The following KLF12 variants were observed in gnomAD, a reference collection of about 807,000 sequenced individuals.
The protein encoded by KLF12 is KLF transcription factor 12.
In KLF12, 9 loss-of-function variants were observed where a neutral mutation model predicts 37.8. The ratio of observed to expected loss-of-function variants is 0.24; its 90% CI spans 0.14 to 0.42. The LOEUF is 0.42. Ranked by LOEUF, KLF12 falls within the 10% of genes least tolerant of loss-of-function variation. KLF12 has a pLI of 1.00. For missense variants in KLF12, 411 were observed against 516.0 expected (o/e 0.80, Z 1.97); for synonymous variants, 208 against 202.1 (o/e 1.03, Z -0.25).
chr13:74,133,216 C>T (rs1331264247), intron 1 of KLF12, among the ~76,000 whole-genome samples: 1 of 152,124 alleles, frequency 6.6e-6, no homozygotes, highest in African/African-American at 2.4e-5. Context: ...TAACCCCTTC[C>T]CCTCCACTCT....
intron 3 of KLF12, among the ~76,000 whole-genome samples, chr13:73,910,963 G>A (rs776083951): frequency 1.3e-5 from 2 of 152,088 alleles, no homozygotes; most frequent in African/African-American, 2.4e-5. Context: ...TGGGAACTCT[G>A]CAGAAAGTCC....
chr13:73,933,736 G>T (rs1355897043), intron 3 of KLF12, among the ~76,000 whole-genome samples: 1 of 152,122 alleles, frequency 6.6e-6, no homozygotes, highest in African/African-American at 2.4e-5. Flanking sequence ...AAAGCAATCT[G>T]CTCAAGTCTC....
At chr13:73,933,902 A>G (rs1393638049) in intron 3 of KLF12, among the ~76,000 whole-genome samples, 1 of 152,316 alleles carries the variant, frequency 6.6e-6, no homozygotes, top group East Asian at 1.9e-4. Flanking sequence ...TGTACAACTC[A>G]GTAGTGTTAA....
rs1786359334 is a variant in KLF12 at position 73,813,251 on chromosome 13, C to A, written c.707G>T (p.Ser236Ile). The A allele has an allele frequency of 6.2e-7, 1 of 1,613,846 alleles. No homozygotes were observed. The highest frequency in any genetic ancestry group is 1.7e-5 in the Admixed American group (1 of 59,964). Residue 236 changes from serine (S) to isoleucine (I), a missense_variant, in exon 5 of 8, where the codon AGT becomes ATT. Transcript: ENST00000377669. Reference sequence around the variant, plus strand: ...GTCATCATCATCACTGTCACTTTTACTTTGTCTGGGAGATAGGCCTCGGGG... The same window carrying A: ...GTCATCATCATCACTGTCACTTTTAATTTGTCTGGGAGATAGGCCTCGGGG...
chr13:74,246,680 C>T, the KLF12 span, among the ~76,000 whole-genome samples: 1 of 152,208 alleles, frequency 6.6e-6, no homozygotes, highest in Non-Finnish European at 1.5e-5. Flanking sequence ...GCAAAGATCA[C>T]CTCAGTGGCG....
the KLF12 span, among the ~76,000 whole-genome samples, chr13:74,204,307 A>C: frequency 6.6e-6 from 1 of 152,168 alleles, no homozygotes; most frequent in African/African-American, 2.4e-5. Context: ...TCAAATTTGT[A>C]TAAATGTAAG....
upstream of KLF12, among the ~76,000 whole-genome samples, chr13:74,138,578 C>T (rs1048239722): frequency 2.0e-5 from 3 of 152,152 alleles, no homozygotes; most frequent in Non-Finnish European, 4.4e-5. Context: ...AATGCCATTT[C>T]GTAACTTTGT....
the KLF12 span, among the ~76,000 whole-genome samples, chr13:74,291,490 A>G: frequency 6.6e-6 from 1 of 152,220 alleles, no homozygotes; most frequent in African/African-American, 2.4e-5. Flanking sequence ...ATCCTCAGAG[A>G]TATAGACAAC....
intron 3 of KLF12, among the ~76,000 whole-genome samples, chr13:73,899,705 C>T (rs1035613189): frequency 3.3e-5 from 5 of 152,154 alleles, no homozygotes; most frequent in African/African-American, 7.2e-5. Context: ...GGTAAATTTG[C>T]TCTGTCTTCT....
At chr13:74,069,522 T>G (rs1369429322) in intron 1 of KLF12, among the ~76,000 whole-genome samples, 3 of 151,904 alleles carry the variant, frequency 2.0e-5, no homozygotes, top group African/African-American at 7.3e-5. Context: ...TCCCAAATAG[T>G]GGAGAGGTTG....
intron 7 of KLF12, among the ~76,000 whole-genome samples, chr13:73,702,353 A>G (rs1264306973): frequency 6.6e-6 from 1 of 152,184 alleles, no homozygotes; most frequent in African/African-American, 2.4e-5. Context: ...AACACCAGGT[A>G]TTGAATGGAT....
chr13:73,846,437 C>A, intron 3 of KLF12, 64 bp from the exon 4 acceptor site: 1 of 1,381,448 alleles, frequency 7.2e-7, no homozygotes, highest in Non-Finnish European at 9.9e-7. Context: ...CGATGCATGG[C>A]TTACCACTTG....
rs1874065797 is a variant in KLF12 at position 73,695,343 on chromosome 13, G to A, written c.*147C>T. ...GGGGGTTACCTTCAGACCAAAAGAA[G>A]TGTGCCTTCTTTTTCCTGCTCTGGT... On this transcript the variant is annotated 3_prime_UTR_variant, in exon 8 of 8. Transcript: ENST00000377669. The A allele has an allele frequency of 1.3e-6, 1 of 744,252 alleles. No homozygotes were observed. Among genetic ancestry groups the A allele is most frequent in the Admixed American group, 2.8e-5 (1 of 36,340 alleles). 46.1% of individuals were successfully genotyped at this position (744,252 alleles called of 1,614,324 possible). A position where few individuals can be genotyped will look rare whatever the true frequency, so the allele number is the denominator to read the frequency against.
the KLF12 span, among the ~76,000 whole-genome samples, chr13:74,305,745 G>T: frequency 1.3e-5 from 2 of 151,950 alleles, no homozygotes; most frequent in African/African-American, 2.4e-5. Flanking sequence ...AACACTATTT[G>T]CTGCTCTTTT....
chr13:73,992,102 A>C (rs552813184), intron 2 of KLF12, among the ~76,000 whole-genome samples: 1 of 152,372 alleles, frequency 6.6e-6, no homozygotes. Context: ...GGACTAATGT[A>C]TATGTGGGAT....
At chr13:73,709,161 AT>A (rs930871286) in intron 7 of KLF12, among the ~76,000 whole-genome samples, 116 of 152,300 alleles carry the variant, frequency 7.6e-4, no homozygotes, top group African/African-American at 2.6e-3. Context: ...TCTATTCTAA[AT>A]TCTTTGCTAA....
the KLF12 span, among the ~76,000 whole-genome samples, chr13:74,197,399 G>A: frequency 6.6e-6 from 1 of 152,022 alleles, no homozygotes; most frequent in Non-Finnish European, 1.5e-5. Context: ...GGTATGTAAA[G>A]TTAAAATTTC....
intron 3 of KLF12, among the ~76,000 whole-genome samples, chr13:73,911,256 G>C (rs944059301): frequency 6.6e-6 from 1 of 151,938 alleles, no homozygotes; most frequent in Non-Finnish European, 1.5e-5. Flanking sequence ...TAAAATAAAT[G>C]AATAAAAATA....
At chr13:74,204,616 A>G in the KLF12 span, among the ~76,000 whole-genome samples, 3 of 152,150 alleles carry the variant, frequency 2.0e-5, no homozygotes, top group East Asian at 5.8e-4. Flanking sequence ...GATTTATTGC[A>G]GTTTTGAGAG....
Sources: gnomAD v4.1 joint callset for allele counts (sites outside exome capture counted in the v4.1 genomes callset) on GRCh38, gnomAD v4.1.1 for gene constraint, MANE v1.5 for transcripts, NCBI Gene and HGNC (gene_info 2026-07-23, HGNC 2026-07-21) for gene names.